Variants in KIF14 observed in about 807,000 individuals in gnomAD.
The protein encoded by KIF14 is kinesin family member 14.
KIF14 carries 98 observed loss-of-function variants against 176.2 expected under a neutral mutation model. The ratio of observed to expected loss-of-function variants is 0.56; its 90% confidence interval spans 0.47 to 0.66. The LOEUF (loss-of-function observed/expected upper bound fraction) is 0.66, where lower values mean the gene tolerates loss of function less well. Among genes scored for constraint, KIF14 ranks in the 30% least tolerant of loss-of-function variants. The probability of loss-of-function intolerance (pLI) is 0.00; values close to 1 mark genes in which losing one functional copy is unlikely to be tolerated. For missense variants in KIF14, 1,751 were observed against 1,920.4 expected, an observed-to-expected ratio of 0.91 and a Z score of 1.65; for synonymous variants, 566 against 632.2, an observed-to-expected ratio of 0.90 and a Z score of 1.57.
At chr1:200,596,967 C>T (rs1659384293) in intron 14 of KIF14, among the ~76,000 whole-genome samples, 1 of 140,754 alleles carries the variant, frequency 7.1e-6, no homozygotes, top group African/African-American at 2.7e-5. Flanking sequence ...ATGATGATCT[C>T]GGCACACTGC....
intron 21 of KIF14, among the ~76,000 whole-genome samples, chr1:200,576,847 C>A (rs577987746): frequency 6.6e-6 from 1 of 151,936 alleles, no homozygotes; most frequent in Non-Finnish European, 1.5e-5. Flanking sequence ...AGGCTGGTAT[C>A]GAACTCCTGG....
Position 200,598,325 on chromosome 1 carries a change from T to G in KIF14, c.2461A>C (p.Lys821Gln), listed in dbSNP as rs1477191526. ...QLSEMLLYMI[K>Q]EGTTTVGKYK... ...TTTCCAACTGTAGTTGTTCCTTCTT[T>G]TATCATATATAGCAGCATCTCAGAT... Residue 821 changes from lysine (K) to glutamine (Q), a missense_variant, in exon 14 of 30, where the codon AAA becomes CAA. Coordinates refer to ENST00000367350, the MANE Select transcript of KIF14 (RefSeq NM_014875.3). 1 of 1,613,536 alleles carries G rather than the reference T, an allele frequency of 6.2e-7. No individual in the cohort carries two copies. Among genetic ancestry groups the G allele is most frequent in the Admixed American group, 1.7e-5 (1 of 59,992 alleles).
chr1:200,604,068 G>T (rs1659757769), intron 8 of KIF14, 113 bp from the exon 9 acceptor site: 1 of 647,706 alleles, frequency 1.5e-6, no homozygotes, highest in African/African-American at 1.9e-5. Flanking sequence ...TTTTTAAATA[G>T]TCTCTTCTTT....
In KIF14 at chr1:200,565,681, G is replaced by T. The variant is rs1033450561; in HGVS notation, c.3662-12C>A. 1 of 1,517,614 alleles carries T rather than the reference G, an allele frequency of 6.6e-7. No homozygotes were observed. Among genetic ancestry groups the T allele is most frequent in the African/African-American group, 1.4e-5 (1 of 71,384 alleles). 94.0% of individuals were successfully genotyped at this position (1,517,614 alleles called of 1,614,324 possible). ...TTTGTCCATTAAACCTACATCAACA[G>T]AAAATAGCCATTTTAAGCTTGTTTT... On this transcript the variant is annotated splice_polypyrimidine_tract_variant and intron_variant, in intron 23 of 29. Transcript: ENST00000367350.
At position 200,559,375 on chromosome 1, in the gene KIF14, T is replaced by C. The variant is rs1657004816; in HGVS notation, c.4308A>G (p.Ala1436=). Residue 1436 remains alanine (A), a synonymous_variant, in exon 27 of 30, where the codon GCA becomes GCG. Transcript: ENST00000367350. ...KILLDSGLEK[A]KELQHELFRQ... Reference sequence around the variant, plus strand: ...TAAAGAGTTCATGCTGAAGTTCTTTTGCTTTTTCCAGTCCAGAATCTAATA... The same window carrying C: ...TAAAGAGTTCATGCTGAAGTTCTTTCGCTTTTTCCAGTCCAGAATCTAATA... 2 of 1,592,960 alleles carry C rather than the reference T, an allele frequency of 1.3e-6. No homozygotes were observed. The highest frequency in any genetic ancestry group is 2.7e-5 in the African/African-American group (2 of 74,132).
At chr1:200,595,034 C>T (rs1659258108) in intron 14 of KIF14, among the ~76,000 whole-genome samples, 1 of 152,196 alleles carries the variant, frequency 6.6e-6, no homozygotes, top group Non-Finnish European at 1.5e-5. Flanking sequence ...TCATCTGCCA[C>T]TATTTTCCCA....
intron 21 of KIF14, 127 bp downstream of exon 21, chr1:200,580,127 T>C: frequency 2.3e-6 from 1 of 427,240 alleles, no homozygotes; most frequent in Non-Finnish European, 3.9e-6. Context: ...GCCTTTTATT[T>C]TCCAAATTTT....
In KIF14 at chr1:200,559,875, C is replaced by T. The variant is rs964906009; in HGVS notation, c.4231-423G>A. On this transcript the variant is annotated intron_variant, in intron 26 of 29. Coordinates refer to ENST00000367350, the MANE Select transcript of KIF14 (RefSeq NM_014875.3). ...GTTCAAGTTATTCTCCTATCTCAGCCTCCTGAGTAGCTGGGATTACAGGCA... is the reference window on the plus strand; with the variant it reads ...GTTCAAGTTATTCTCCTATCTCAGCTTCCTGAGTAGCTGGGATTACAGGCA... 7.9e-5 allele frequency among the ~76,000 whole-genome samples: 12 copies of T among 152,214 alleles called. No individual in the cohort carries two copies. In the East Asian group the frequency reaches 2.1e-3, roughly 27 times the overall value.
chr1:200,615,286 C>A (rs1660355253), intron 3 of KIF14, 69 bp downstream of exon 3: 1 of 1,424,462 alleles, frequency 7.0e-7, no homozygotes. Flanking sequence ...CTTTCTATCA[C>A]CCCTATGCCA....
In KIF14 at chr1:200,553,412, T is replaced by C; in HGVS notation, c.4923A>G (p.Thr1641=). The change falls in exon 30 of 30, where the codon ACA becomes ACG. Residue 1641 remains threonine, a synonymous_variant. Coordinates refer to ENST00000367350, the MANE Select transcript of KIF14 (RefSeq NM_014875.3). ...TTCACACCCACTGAATCCTACTGGG[T>C]GTGCATTCCTCTGAGCTCACTGCTG... ...SSPAVSSEEC[T]PSRIQWV 3 of 1,612,248 alleles carry C rather than the reference T, an allele frequency of 1.9e-6. 1 individual carries two copies. In the South Asian group the frequency reaches 3.3e-5, roughly 18 times the overall value.
intron 4 of KIF14, among the ~76,000 whole-genome samples, chr1:200,610,951 A>G (rs532271874): frequency 6.6e-6 from 1 of 152,312 alleles, no homozygotes; most frequent in Non-Finnish European, 1.5e-5. Flanking sequence ...AATAGGAAAG[A>G]CACCCTGTAG....
chr1:200,617,401 C>A, intron 2 of KIF14, among the ~76,000 whole-genome samples: 1 of 152,212 alleles, frequency 6.6e-6, no homozygotes, highest in East Asian at 1.9e-4. Context: ...CTTCAATATA[C>A]AAAATATGGT....
rs1394970813 is a variant in KIF14, at chr1:200,581,203, G to C, written c.3333C>G (p.Gly1111=). 6 of 1,565,104 alleles carry C rather than the reference G, an allele frequency of 3.8e-6. No homozygotes were observed. The highest frequency in any genetic ancestry group is 5.2e-6 in the Non-Finnish European group (6 of 1,149,420). The change falls in exon 20 of 30, where the codon GGC becomes GGG. Residue 1111 remains glycine (G), a splice_region_variant and synonymous_variant. Coordinates refer to ENST00000367350, the MANE Select transcript of KIF14 (RefSeq NM_014875.3). ...SSKLKTYYVF[G]RHDISDKSSS... is the part of the protein sequence containing the mutation. ...AATCAGGATAATTAATTACTCACCT[G>C]CCAAAAACATAGTATGTTTTCAATT...
intron 19 of KIF14, among the ~76,000 whole-genome samples, chr1:200,581,904 G>C (rs1271410792): frequency 6.6e-6 from 1 of 151,558 alleles, no homozygotes; most frequent in East Asian, 1.9e-4. Context: ...CAAGTAGCTG[G>C]AACTACAGGT....
Position 200,565,268 on chromosome 1 carries a change from G to GA in KIF14, c.3887-16dup. 6.3e-7 allele frequency: 1 copy of GA among 1,575,176 alleles called. No individual in the cohort carries two copies. Among genetic ancestry groups the GA allele is most frequent in the Non-Finnish European group, 8.6e-7 (1 of 1,164,228 alleles). On this transcript the variant is annotated splice_polypyrimidine_tract_variant and intron_variant, in intron 24 of 29. Coordinates refer to ENST00000367350, the MANE Select transcript of KIF14 (RefSeq NM_014875.3). ...AGAAGAAAACACTTTGAAAGAAGAA[G>GA]AAAAATTACTGAATGAAATATTATC...
intron 1 of KIF14, among the ~76,000 whole-genome samples, 198 bp from the exon 2 acceptor site, chr1:200,619,036 C>CT (rs1408473013): frequency 6.6e-6 from 1 of 152,198 alleles, no homozygotes; most frequent in Non-Finnish European, 1.5e-5. Flanking sequence ...CAAATATTGA[C>CT]TAAGTTTCCA....
chr1:200,609,528 A>C (rs1571561649), intron 4 of KIF14, among the ~76,000 whole-genome samples: 2 of 152,228 alleles, frequency 1.3e-5, no homozygotes, highest in East Asian at 3.8e-4. Context: ...GGGCGCCTGT[A>C]ATCCCAGGTA....
rs1283939719 is a variant in KIF14 at position 200,590,249 on chromosome 1, G to A, written c.2837C>T (p.Ala946Val). The A allele has an allele frequency of 6.2e-7, 1 of 1,613,186 alleles. No homozygotes were observed. The highest frequency in any genetic ancestry group is 8.5e-7 in the Non-Finnish European group (1 of 1,179,804). Residue 946 changes from alanine (A) to valine (V), a missense_variant, in exon 17 of 30, where the codon GCT becomes GTT. Ala to Val is a moderately conservative substitution (Grantham distance 64). Coordinates refer to ENST00000367350, the MANE Select transcript of KIF14 (RefSeq NM_014875.3). ...CATTTCTTCCTTTGCCTTCAACTGA[G>A]CCTCTTTTATTTCTGCTTCAAGTCT... ...RSQLEAEIKE[A>V]QLKAKEEMMQ...
chr1:200,581,741 T>G (rs1194733289), intron 19 of KIF14, among the ~76,000 whole-genome samples: 2 of 150,744 alleles, frequency 1.3e-5, no homozygotes, highest in Admixed American at 1.3e-4. Flanking sequence ...GAAAATAATT[T>G]AGTACACAAT....
Sources: gnomAD v4.1 joint callset for allele counts (sites outside exome capture counted in the v4.1 genomes callset) on GRCh38, gnomAD v4.1.1 for gene constraint, MANE v1.5 for transcripts, NCBI Gene and HGNC (gene_info 2026-07-23, HGNC 2026-07-21) for gene names.